The following B3GNT2 variants were observed in gnomAD, a reference collection of about 807,000 sequenced individuals.
B3GNT2 encodes N-acetyllactosaminide beta-1,3-N-acetylglucosaminyltransferase 2.
Under a neutral mutation model 27.6 loss-of-function variants are expected in B3GNT2, and 12 were observed. The ratio of observed to expected loss-of-function variants is 0.44; its 90% CI spans 0.28 to 0.71. The LOEUF is 0.71. B3GNT2 is among the 30% of genes least tolerant of loss of function. B3GNT2 has a pLI of 0.17. For missense variants in B3GNT2, 413 were observed against 488.5 expected, an observed-to-expected ratio of 0.85 and a Z score of 1.46; for synonymous variants, 192 against 189.7, an observed-to-expected ratio of 1.01 and a Z score of -0.10.
chr2:62,204,845 G>T (rs1043857028), intron 1 of B3GNT2, among the ~76,000 whole-genome samples: 1 of 152,116 alleles, frequency 6.6e-6, no homozygotes, highest in Non-Finnish European at 1.5e-5. Flanking sequence ...AACAAGTGCA[G>T]ATACAGAGAA....
intron 1 of B3GNT2, among the ~76,000 whole-genome samples, chr2:62,211,767 C>T (rs964631120): frequency 6.8e-6 from 1 of 146,596 alleles, no homozygotes; most frequent in African/African-American, 2.7e-5. Context: ...CTGGCTGTGT[C>T]CATCTCTGCC....
chr2:62,219,023 G>A lies in B3GNT2; in HGVS notation c.-9-3189G>A, dbSNP rs140026519. Among the ~76,000 whole-genome samples the A allele has an allele frequency of 4.9e-3, 754 of 152,342 alleles. 3 individuals carry two copies. Among genetic ancestry groups the A allele is most frequent in the Non-Finnish European group, 7.8e-3 (532 of 68,038 alleles). ...CTCAAAAGAAGGATTGGTGTTTTCCGTGATAGAGGCTTCAAGTGGTTATGG... is the reference window on the plus strand; with the variant it reads ...CTCAAAAGAAGGATTGGTGTTTTCCATGATAGAGGCTTCAAGTGGTTATGG... On this transcript the variant is annotated intron_variant, in intron 1 of 1. Transcript: ENST00000301998.
At chr2:62,202,433 G>A (rs1441122508) in intron 1 of B3GNT2, among the ~76,000 whole-genome samples, 1 of 152,202 alleles carries the variant, frequency 6.6e-6, no homozygotes, top group Non-Finnish European at 1.5e-5. Flanking sequence ...TGATCCATTG[G>A]GTTTGGAGTG....
intron 1 of B3GNT2, among the ~76,000 whole-genome samples, chr2:62,213,270 C>T (rs1674513374): frequency 6.6e-6 from 1 of 152,148 alleles, no homozygotes; most frequent in South Asian, 2.1e-4. Flanking sequence ...GTAGTCTAGC[C>T]TGGGCGACAG....
chr2:62,210,566 C>T (rs1184549470), intron 1 of B3GNT2, among the ~76,000 whole-genome samples: 5 of 151,512 alleles, frequency 3.3e-5, no homozygotes, highest in African/African-American at 4.9e-5. Flanking sequence ...GTCAGGAGTT[C>T]GAGACCATCC....
intron 1 of B3GNT2, among the ~76,000 whole-genome samples, chr2:62,198,755 GAT>G (rs1329702798): frequency 6.6e-6 from 1 of 152,078 alleles, no homozygotes; most frequent in Non-Finnish European, 1.5e-5. Flanking sequence ...AAGTAGAACT[GAT>G]AATTCATAGT....
chr2:62,196,765 G>T (rs1230883980), intron 1 of B3GNT2, among the ~76,000 whole-genome samples: 1 of 152,130 alleles, frequency 6.6e-6, no homozygotes, highest in Non-Finnish European at 1.5e-5. Context: ...CTTTGGCAAG[G>T]GGCATCTGGG....
At chr2:62,214,371 C>T (rs377317502) in intron 1 of B3GNT2, among the ~76,000 whole-genome samples, 1 of 149,844 alleles carries the variant, frequency 6.7e-6, no homozygotes, top group Non-Finnish European at 1.5e-5. Flanking sequence ...CTACCAGTGG[C>T]GTAATAGAAG....
At chr2:62,214,054 GT>G (rs1292517066) in intron 1 of B3GNT2, among the ~76,000 whole-genome samples, 1 of 152,212 alleles carries the variant, frequency 6.6e-6, no homozygotes, top group Non-Finnish European at 1.5e-5. Flanking sequence ...TGAGGCTGGT[GT>G]TTAGGCTGGG....
At chr2:62,203,777 GT>G (rs1280844405) in intron 1 of B3GNT2, among the ~76,000 whole-genome samples, 1 of 152,200 alleles carries the variant, frequency 6.6e-6, no homozygotes, top group African/African-American at 2.4e-5. Flanking sequence ...GATCCTGGGA[GT>G]TGGGGGTCAG....
intron 1 of B3GNT2, among the ~76,000 whole-genome samples, chr2:62,198,600 T>C (rs1674200851): frequency 6.6e-6 from 1 of 152,224 alleles, no homozygotes; most frequent in African/African-American, 2.4e-5. Context: ...CATGATTTGC[T>C]TGTTGTTCAA....
intron 1 of B3GNT2, among the ~76,000 whole-genome samples, chr2:62,203,905 T>G (rs532212407): frequency 6.6e-6 from 1 of 152,318 alleles, no homozygotes; most frequent in Admixed American, 6.5e-5. Flanking sequence ...CAGAATCGCA[T>G]GAAACCTGCA....
At chr2:62,197,909 G>A (rs919994303) in intron 1 of B3GNT2, among the ~76,000 whole-genome samples, 1 of 152,220 alleles carries the variant, frequency 6.6e-6, no homozygotes, top group African/African-American at 2.4e-5. Context: ...GGGTGGTTAA[G>A]CCTGGAGGAA....
chr2:62,214,495 C>T (rs904603887), intron 1 of B3GNT2, among the ~76,000 whole-genome samples: 4 of 152,172 alleles, frequency 2.6e-5, no homozygotes, highest in South Asian at 2.1e-4. Flanking sequence ...GGAAGAGGGA[C>T]TCTGCAAGGC....
At chr2:62,203,275 G>A (rs1213154196) in intron 1 of B3GNT2, among the ~76,000 whole-genome samples, 3 of 152,140 alleles carry the variant, frequency 2.0e-5, no homozygotes, top group Non-Finnish European at 4.4e-5. Flanking sequence ...AAAGACTCCT[G>A]GTGGGTGTAA....
chr2:62,208,401 T>G (rs531813910), intron 1 of B3GNT2, among the ~76,000 whole-genome samples: 1 of 152,360 alleles, frequency 6.6e-6, no homozygotes, highest in Non-Finnish European at 1.5e-5. Flanking sequence ...TTTAATTGCC[T>G]TCTTTCTCAC....
intron 1 of B3GNT2, among the ~76,000 whole-genome samples, chr2:62,211,601 A>AGAG (rs1674484137): frequency 6.6e-6 from 1 of 152,168 alleles, no homozygotes; most frequent in East Asian, 1.9e-4. Context: ...TGTTTTAAGT[A>AGAG]GAGGGGACAG....
At chr2:62,210,213 G>A (rs746258934) in intron 1 of B3GNT2, among the ~76,000 whole-genome samples, 6 of 152,132 alleles carry the variant, frequency 3.9e-5, no homozygotes, top group Non-Finnish European at 5.9e-5. Context: ...CTCGAGCAAC[G>A]GTATTGTGTG....
chr2:62,221,263 G>T (rs542161133), intron 1 of B3GNT2, among the ~76,000 whole-genome samples: 70 of 152,280 alleles, frequency 4.6e-4, no homozygotes, highest in African/African-American at 1.3e-3. Context: ...TTGCCGAGGG[G>T]ATATACCATT....
Sources: allele counts gnomAD v4.1 joint callset (sites outside exome capture counted in the v4.1 genomes callset), GRCh38; gene constraint gnomAD v4.1.1; transcripts MANE v1.5; gene names NCBI Gene and HGNC (gene_info 2026-07-23, HGNC 2026-07-21).